Variants in POM121 observed in about 807,000 individuals in gnomAD.
POM121 encodes the protein POM121 transmembrane nucleoporin, also known as nuclear envelope pore membrane protein POM 121.
POM121 carries 32 observed loss-of-function variants against 81.3 expected under a neutral mutation model. The observed-to-expected ratio is 0.39, with a 90% CI of 0.30 to 0.53. The LOEUF is 0.53. POM121 is among the 20% of genes least tolerant of loss of function. The probability of loss-of-function intolerance (pLI) is 0.66; values close to 1 mark genes in which losing one functional copy is unlikely to be tolerated. For missense variants in POM121, 1,138 were observed against 1,614.6 expected (o/e 0.70, Z 5.06); for synonymous variants, 514 against 694.2 (o/e 0.74, Z 4.08).
At chr7:72,914,744 A>G (rs782139319) in intron 4 of POM121, among the ~76,000 whole-genome samples, 3 of 152,140 alleles carry the variant, frequency 2.0e-5, no homozygotes, top group Admixed American at 1.3e-4. Context: ...TGCACTGTCA[A>G]TAGTGAGTTT....
At chr7:72,916,824 G>A (rs1316004648) in intron 4 of POM121, among the ~76,000 whole-genome samples, 4 of 152,114 alleles carry the variant, frequency 2.6e-5, no homozygotes, top group African/African-American at 9.7e-5. Flanking sequence ...ATTTGTTTGT[G>A]TACTCTCTTA....
At chr7:72,932,676 T>G (rs1485848211) in intron 5 of POM121, among the ~76,000 whole-genome samples, 4 of 152,204 alleles carry the variant, frequency 2.6e-5, no homozygotes. Context: ...CTCAGCGTTG[T>G]ATGAGAGGGA....
downstream of POM121, chr7:72,949,464 G>A (rs782133656): frequency 3.2e-6 from 5 of 1,583,152 alleles, no homozygotes; most frequent in East Asian, 6.7e-5. Flanking sequence ...CCAGCCGCCT[G>A]GCATCCAGGT....
downstream of POM121, chr7:72,948,438 C>G (rs1797851399): frequency 6.2e-7 from 1 of 1,613,422 alleles, no homozygotes; most frequent in Non-Finnish European, 8.5e-7. Flanking sequence ...ACGGAGAGGA[C>G]AGGCATCTTC....
At chr7:72,944,202 T>TG (rs1218777603) in intron 11 of POM121, among the ~76,000 whole-genome samples, 1 of 150,800 alleles carries the variant, frequency 6.6e-6, no homozygotes, top group African/African-American at 2.4e-5. Flanking sequence ...GCTAAAGCAG[T>TG]GGTGTGGAAG....
chr7:72,925,606 C>CCTG lies in POM121; in HGVS notation c.485_486insCTG (p.Pro162_Gly163insCys). The CCTG allele has an allele frequency of 7.1e-7, 1 of 1,413,942 alleles. No individual in the cohort carries two copies. The highest frequency in any genetic ancestry group is 9.2e-7 in the Non-Finnish European group (1 of 1,087,946). The allele number at this position is 1,413,942 out of a possible 1,614,324, so 87.6% of individuals were successfully genotyped here. On this transcript the variant is annotated inframe_insertion, in exon 1 of 13. Transcript: ENST00000434423. ...GAGGGCCAGGACCTGCGGGATAGGC[C>CCTG]TGGCCGCCGCCCACCTGCCCGCCCG...
At position 72,943,019 on chromosome 7, in the gene POM121, C is replaced by G; in HGVS notation, c.3026C>G (p.Pro1009Arg). The change falls in exon 11 of 13, where the codon CCT becomes CGT. Residue 1009 changes from proline to arginine, a missense_variant. This residue lies in a region of POM121 where 336 missense variants were observed against 344.3 expected (regional missense o/e 0.98). Transcript: ENST00000434423. ...GCAGCCCCGGCTGCTGCACCCACACCTGCACCTCCGTCCATGATCAAGGTC... is the reference window on the plus strand; with the variant it reads ...GCAGCCCCGGCTGCTGCACCCACACGTGCACCTCCGTCCATGATCAAGGTC... ...NSAAPAAAPTPAPPSMIKVVP... is the reference protein window; with the variant it reads ...NSAAPAAAPTRAPPSMIKVVP... 7 of 1,613,872 alleles carry G rather than the reference C, an allele frequency of 4.3e-6. No individual in the cohort carries two copies. Among genetic ancestry groups the G allele is most frequent in the Non-Finnish European group, 5.9e-6 (7 of 1,179,850 alleles).
chr7:72,923,901 T>C (rs1216324812), upstream of POM121, among the ~76,000 whole-genome samples: 1 of 144,104 alleles, frequency 6.9e-6, no homozygotes, highest in South Asian at 2.3e-4. Flanking sequence ...CGCCTGGCCT[T>C]CTTATTTTTT....
At chr7:72,890,743 A>G (rs1284773301) in exon 2 of POM121, 1 of 1,601,472 alleles carries the variant, frequency 6.2e-7, no homozygotes, top group African/African-American at 1.3e-5. Context: ...ACAGCCATCT[A>G]GTTTCCCTGG....
intron 3 of POM121, among the ~76,000 whole-genome samples, chr7:72,899,148 A>C (rs1488996498): frequency 6.6e-6 from 1 of 151,772 alleles, no homozygotes; most frequent in Non-Finnish European, 1.5e-5. Context: ...ACACCTGGCT[A>C]ATTTTTTTGT....
At chr7:72,924,780 A>T, upstream of POM121, 1 of 269,280 alleles carries the variant, frequency 3.7e-6, no homozygotes, top group South Asian at 1.2e-4. Context: ...TGTGAAAAGT[A>T]CCTGGTAACA....
intron 1 of POM121, among the ~76,000 whole-genome samples, chr7:72,889,239 T>G (rs1271550257): frequency 6.6e-6 from 1 of 152,246 alleles, no homozygotes; most frequent in African/African-American, 2.4e-5. Flanking sequence ...TGGATAAGCT[T>G]GGATGTTCTG....
intron 1 of POM121, among the ~76,000 whole-genome samples, chr7:72,880,245 C>G (rs1790005653): frequency 6.6e-6 from 1 of 152,322 alleles, no homozygotes; most frequent in South Asian, 2.1e-4. Flanking sequence ...CCCCTTATAT[C>G]TGCCCTGGGA....
chr7:72,918,094 G>C (rs1554495388), intron 4 of POM121, among the ~76,000 whole-genome samples: 1 of 152,206 alleles, frequency 6.6e-6, no homozygotes, highest in Admixed American at 6.5e-5. Context: ...AGGTGTACAA[G>C]ATGGAACATG....
chr7:72,890,378 C>T (rs1454162948), intron 1 of POM121, among the ~76,000 whole-genome samples: 7 of 152,098 alleles, frequency 4.6e-5, no homozygotes, highest in African/African-American at 1.7e-4. Flanking sequence ...TGGTGTTTCA[C>T]TCATCTCATA....
intron 4 of POM121, among the ~76,000 whole-genome samples, chr7:72,928,742 A>G (rs1386262756): frequency 3.3e-5 from 5 of 152,344 alleles, no homozygotes; most frequent in Middle Eastern, 3.4e-3. Context: ...AAGGATTGCA[A>G]AGTTTGTGCA....
intron 5 of POM121, among the ~76,000 whole-genome samples, chr7:72,933,607 C>T (rs567181221): frequency 6.6e-6 from 1 of 152,318 alleles, no homozygotes; most frequent in South Asian, 2.1e-4. Flanking sequence ...AGGCTCCTCA[C>T]GCGTTGCTGG....
rs2129580317 is a variant in POM121, at chr7:72,942,210, G to A, written c.2217G>A (p.Glu739=). The A allele has an allele frequency of 6.2e-7, 1 of 1,610,120 alleles. No homozygotes were observed. ...KPIFTAPPKS[E]KEGPTPPGPS... ...TTTTCACGGCTCCACCCAAGAGTGA[G>A]AAGGAAGGCCCCACACCGCCTGGCC... Residue 739 remains glutamate (E), a synonymous_variant, in exon 11 of 13, where the codon GAG becomes GAA. Transcript: ENST00000434423.
chr7:72,900,991 T>G (rs1327276982), intron 3 of POM121, among the ~76,000 whole-genome samples: 3 of 140,776 alleles, frequency 2.1e-5, no homozygotes, highest in Non-Finnish European at 3.2e-5. Context: ...GAATTTGGCG[T>G]TTTTTTTTTT....
Sources: gnomAD v4.1 joint callset for allele counts (sites outside exome capture counted in the v4.1 genomes callset) on GRCh38, gnomAD v4.1.1 for gene constraint, gnomAD v4.1.1 regional missense constraint, MANE v1.5 for transcripts, NCBI Gene and HGNC (gene_info 2026-07-23, HGNC 2026-07-21) for gene names.